The following ASAP1 variants were observed in gnomAD, a reference collection of about 807,000 sequenced individuals.
ASAP1 encodes the protein arf-GAP with SH3 domain, ANK repeat and PH domain-containing protein 1.
A neutral mutation model predicts 145.2 loss-of-function variants in ASAP1; 43 were observed. The observed-to-expected ratio is 0.30, with a 90% CI of 0.23 to 0.38. ASAP1 has a LOEUF of 0.38. ASAP1 is among the 10% of genes least tolerant of loss of function. The pLI, the probability that ASAP1 is intolerant of heterozygous loss-of-function variation, is 1.00. For synonymous variants in ASAP1, 546 were observed against 515.5 expected, an observed-to-expected ratio of 1.06 and a Z score of -0.80; for missense variants, 1,018 against 1,355.3, an observed-to-expected ratio of 0.75 and a Z score of 3.91.
chr8:130,344,405 T>C (rs1382028145), intron 3 of ASAP1, among the ~76,000 whole-genome samples: 1 of 152,190 alleles, frequency 6.6e-6, no homozygotes, highest in African/African-American at 2.4e-5. Context: ...CCTTATCTTT[T>C]AGAAGTACAT....
At chr8:130,357,575 A>G (rs1163730983) in intron 3 of ASAP1, among the ~76,000 whole-genome samples, 2 of 152,228 alleles carry the variant, frequency 1.3e-5, no homozygotes, top group African/African-American at 2.4e-5. Flanking sequence ...TGCCTGGTCC[A>G]GTCGGGCCGC....
chr8:130,173,376 A>G (rs1263398792), intron 9 of ASAP1, among the ~76,000 whole-genome samples: 7 of 152,150 alleles, frequency 4.6e-5, no homozygotes, highest in Non-Finnish European at 1.5e-5. Context: ...GTAGACAGAG[A>G]GCCACCACGA....
intron 29 of ASAP1, among the ~76,000 whole-genome samples, chr8:130,055,627 C>T (rs939043331): frequency 5.3e-5 from 8 of 151,846 alleles, no homozygotes; most frequent in African/African-American, 1.5e-4. Flanking sequence ...CTGATGGTGG[C>T]GAATGGCAAT....
chr8:130,411,998 C>G lies in ASAP1; in HGVS notation c.-27-10028G>C, dbSNP rs964311163. Among the ~76,000 whole-genome samples, 46 of 152,258 alleles carry G rather than the reference C, an allele frequency of 3.0e-4. 1 individual carries two copies. Among genetic ancestry groups the G allele is most frequent in the Admixed American group, 2.8e-3 (43 of 15,290 alleles). On this transcript the variant is annotated intron_variant, in intron 1 of 29. Transcript: ENST00000518721. The stretch of plus-strand genomic sequence containing the variant: ...GAGTTTACTCCCTCGCAGGAAGCCC[C>G]CATTACCCAGTGCTCACCAGGTACC...
At chr8:130,096,794 C>G (rs1369891958) in intron 24 of ASAP1, among the ~76,000 whole-genome samples, 2 of 152,048 alleles carry the variant, frequency 1.3e-5, no homozygotes, top group African/African-American at 4.8e-5. Flanking sequence ...GGTGAGAAGG[C>G]AAGCCACATA....
intron 3 of ASAP1, among the ~76,000 whole-genome samples, chr8:130,330,443 C>A (rs1824611957): frequency 6.6e-6 from 1 of 152,256 alleles, no homozygotes; most frequent in South Asian, 2.1e-4. Flanking sequence ...TGCTATATTG[C>A]AGCTAACCTG....
chr8:130,116,570 G>GT (rs999008357), intron 22 of ASAP1, 108 bp downstream of exon 22: 1 of 971,892 alleles, frequency 1.0e-6, no homozygotes, highest in Admixed American at 2.2e-5. Context: ...TTTAGCAAGT[G>GT]TTAAAAAAAA....
chr8:130,193,855 T>A (rs1022062791), intron 5 of ASAP1, among the ~76,000 whole-genome samples: 3 of 152,098 alleles, frequency 2.0e-5, no homozygotes, highest in African/African-American at 7.2e-5. Flanking sequence ...AAACAGTAAA[T>A]CCTTTTTTTT....
chr8:130,093,269 G>T (rs983755972), intron 24 of ASAP1, among the ~76,000 whole-genome samples: 3 of 152,162 alleles, frequency 2.0e-5, no homozygotes, highest in Non-Finnish European at 2.9e-5. Context: ...GAAGTGGCTG[G>T]TGTGTGCCAG....
intron 5 of ASAP1, among the ~76,000 whole-genome samples, chr8:130,200,546 A>G (rs564664762): frequency 6.6e-6 from 1 of 152,340 alleles, no homozygotes; most frequent in East Asian, 1.9e-4. Flanking sequence ...TATGAACCCA[A>G]TGTTAAAAAA....
intron 1 of ASAP1, among the ~76,000 whole-genome samples, chr8:130,427,470 A>G (rs1242908179): frequency 1.3e-5 from 2 of 152,194 alleles, no homozygotes; most frequent in East Asian, 3.8e-4. Flanking sequence ...TCAGTGTAGA[A>G]CAACTGACTT....
chr8:130,100,716 T>C (rs2097527272), intron 24 of ASAP1, among the ~76,000 whole-genome samples: 1 of 152,292 alleles, frequency 6.6e-6, no homozygotes, highest in East Asian at 1.9e-4. Context: ...CTGAATTGAG[T>C]TCCTTGTATA....
At chr8:130,143,061 C>T (rs2097616381) in intron 13 of ASAP1, among the ~76,000 whole-genome samples, 1 of 152,166 alleles carries the variant, frequency 6.6e-6, no homozygotes. Flanking sequence ...GTAATCATTA[C>T]CTACTATGTG....
intron 3 of ASAP1, among the ~76,000 whole-genome samples, chr8:130,310,636 T>G (rs570118647): frequency 1.3e-5 from 2 of 151,864 alleles, no homozygotes; most frequent in Non-Finnish European, 2.9e-5. Context: ...TAGTTAAAAA[T>G]GGGTCACACT....
chr8:130,355,977 A>G (rs1307889767), intron 3 of ASAP1, among the ~76,000 whole-genome samples: 1 of 152,238 alleles, frequency 6.6e-6, no homozygotes, highest in Non-Finnish European at 1.5e-5. Flanking sequence ...ATGTACTCTA[A>G]CATGACACTG....
At chr8:130,359,853 G>A (rs987171891) in intron 2 of ASAP1, among the ~76,000 whole-genome samples, 1 of 151,434 alleles carries the variant, frequency 6.6e-6, no homozygotes, top group African/African-American at 2.4e-5. Context: ...TCGATCTCCT[G>A]ACCTCATGAT....
At chr8:130,328,870 G>GCCT (rs1824507120) in intron 3 of ASAP1, among the ~76,000 whole-genome samples, 1 of 152,116 alleles carries the variant, frequency 6.6e-6, no homozygotes, top group African/African-American at 2.4e-5. Flanking sequence ...CCTCAAGCAA[G>GCCT]CCTCCTACCT....
rs1362213107 is a variant in ASAP1, at chr8:130,443,495, C to G, written c.-63G>C. ...CGGGCCGCTGGGCATTATTCCATCG[C>G]GGGTTCGGCCGGGCGCTCGCGGCTC... On this transcript the variant is annotated 5_prime_UTR_variant, in exon 1 of 30. Transcript: ENST00000518721. The G allele has an allele frequency of 6.6e-6, 1 of 150,836 alleles. No individual in the cohort carries two copies. Among genetic ancestry groups the G allele is most frequent in the Non-Finnish European group, 1.5e-5 (1 of 67,534 alleles). 9.3% of individuals were successfully genotyped at this position (150,836 alleles called of 1,614,324 possible). A position where few individuals can be genotyped will look rare whatever the true frequency, so the allele number is the denominator to read the frequency against.
chr8:130,087,412 C>A (rs577564041), intron 25 of ASAP1, among the ~76,000 whole-genome samples: 2 of 152,016 alleles, frequency 1.3e-5, no homozygotes, highest in Admixed American at 6.6e-5. Context: ...CCCAGCTATT[C>A]GGGAGACTGA....
Sources: allele counts gnomAD v4.1 joint callset (sites outside exome capture counted in the v4.1 genomes callset), GRCh38; gene constraint gnomAD v4.1.1; transcripts MANE v1.5; gene names NCBI Gene and HGNC (gene_info 2026-07-23, HGNC 2026-07-21).